CD36: variants seen among roughly 807,000 people sequenced by gnomAD.
CD36 encodes the protein platelet glycoprotein 4.
In CD36, 119 loss-of-function variants were observed where a neutral mutation model predicts 55.2. The observed-to-expected ratio is 2.15, with a 90% CI of 1.86 to 2.51. The LOEUF (loss-of-function observed/expected upper bound fraction) is 2.51. CD36 is among the 30% of genes most tolerant of loss of function. CD36 has a pLI of 0.00. For synonymous variants in CD36, 186 were observed against 193.6 expected (o/e 0.96, Z 0.33); for missense variants, 819 against 555.5 (o/e 1.47, Z -4.77).
At chr7:80,662,874 T>C in intron 5 of CD36, 116 bp from the exon 6 acceptor site, 1 of 833,912 alleles carries the variant, frequency 1.2e-6, no homozygotes, top group Non-Finnish European at 2.0e-6. Flanking sequence ...CTGGCAGTAA[T>C]TTTAAAGATA....
At chr7:80,626,714 A>G (rs1793762436) in intron 1 of CD36, among the ~76,000 whole-genome samples, 1 of 152,110 alleles carries the variant, frequency 6.6e-6, no homozygotes, top group African/African-American at 2.4e-5. Flanking sequence ...AATGTATTAG[A>G]AAACCACTTT....
At chr7:80,620,239 A>G (rs894997003) in intron 1 of CD36, among the ~76,000 whole-genome samples, 3 of 152,082 alleles carry the variant, frequency 2.0e-5, no homozygotes, top group African/African-American at 7.2e-5. Flanking sequence ...TTCCGACACT[A>G]TCTACATGGA....
At position 80,611,897 on chromosome 7, in the gene CD36, C is replaced by T. The variant is rs556137493; in HGVS notation, c.-184+9518C>T. Among the ~76,000 whole-genome samples the T allele has an allele frequency of 3.9e-5, 6 of 152,196 alleles. 1 individual carries two copies. In the South Asian group the frequency reaches 8.3e-4, roughly 21 times the overall value. ...CTGTGGCTTGGACAGTGTTGATAAT[C>T]GTTTTGGGTTCAGACATAAAAGGTC... On this transcript the variant is annotated intron_variant, in intron 1 of 13. Transcript: ENST00000309881.
intron 7 of CD36, among the ~76,000 whole-genome samples, chr7:80,665,535 A>ACTT (rs1472630975): frequency 6.6e-6 from 1 of 152,124 alleles, no homozygotes; most frequent in Non-Finnish European, 1.5e-5. Flanking sequence ...GGAAAAAAAC[A>ACTT]CTTCTAAGTA....
intron 4 of CD36, 66 bp from the exon 5 acceptor site, chr7:80,660,997 G>C (rs1796470272): frequency 8.7e-6 from 10 of 1,145,978 alleles, no homozygotes; most frequent in Non-Finnish European, 1.3e-5. Flanking sequence ...TTGAATGAAT[G>C]ACATTTGAGA....
chr7:80,632,296 A>G (rs768296583), intron 1 of CD36, among the ~76,000 whole-genome samples: 1 of 151,456 alleles, frequency 6.6e-6, no homozygotes, highest in Non-Finnish European at 1.5e-5. Flanking sequence ...ATGGTATCAC[A>G]GATGTATTAT....
chr7:80,651,781 A>G (rs918929214), intron 3 of CD36, among the ~76,000 whole-genome samples: 1 of 152,022 alleles, frequency 6.6e-6, no homozygotes, highest in African/African-American at 2.4e-5. Flanking sequence ...ATGGTTACAC[A>G]TGCCTGTAGT....
Position 80,650,235 on chromosome 7 carries a change from T to C in CD36, c.120+3375T>C, listed in dbSNP as rs565841545. On this transcript the variant is annotated intron_variant, in intron 3 of 14. Transcript: ENST00000447544. ...AAGACTCATCATCAGAATCCTTATA[T>C]TGGTCAAGATGTATGGTACATTTAA... Among the ~76,000 whole-genome samples, 44 of 152,208 alleles carry C rather than the reference T, an allele frequency of 2.9e-4. 1 individual carries two copies. Among genetic ancestry groups the C allele is most frequent in the African/African-American group, 9.9e-4 (41 of 41,570 alleles).
intron 1 of CD36, among the ~76,000 whole-genome samples, chr7:80,641,614 G>T (rs1467802797): frequency 6.6e-6 from 1 of 151,982 alleles, no homozygotes; most frequent in Non-Finnish European, 1.5e-5. Flanking sequence ...TGTCATTTAG[G>T]TCTGGCAAGT....
At position 80,676,819 on chromosome 7, in the gene CD36, T is replaced by C. The variant is rs540545559; in HGVS notation, c.*436T>C. 1 of 152,046 alleles carries C rather than the reference T, an allele frequency of 6.6e-6. No homozygotes were observed. Among genetic ancestry groups the C allele is most frequent in the African/African-American group, 2.4e-5 (1 of 41,416 alleles). 9.4% of individuals were successfully genotyped at this position (152,046 alleles called of 1,614,324 possible). A position where few individuals can be genotyped will look rare whatever the true frequency, so the allele number is the denominator to read the frequency against. The stretch of plus-strand genomic sequence containing the variant: ...TGAGTAAATTTTGCTTTTTTTTTTT[T>C]ACTCAGTTGCAACTTACGCTTGGCA... On this transcript the variant is annotated 3_prime_UTR_variant, in exon 15 of 15. Coordinates refer to ENST00000447544, the MANE Select transcript of CD36 (RefSeq NM_001001548.3).
intron 3 of CD36, among the ~76,000 whole-genome samples, chr7:80,655,727 G>A (rs1478157619): frequency 6.6e-6 from 1 of 152,082 alleles, no homozygotes; most frequent in African/African-American, 2.4e-5. Flanking sequence ...CAGGTCAGGT[G>A]GATTGCTTCA....
At chr7:80,646,207 C>A (rs1795154438) in intron 2 of CD36, 26 bp downstream of exon 2, 1 of 160,026 alleles carries the variant, frequency 6.2e-6, no homozygotes, top group African/African-American at 2.4e-5. Context: ...CATCTGTTAC[C>A]ATACTTGCTT....
At chr7:80,647,136 T>G in intron 3 of CD36, 2 of 367,628 alleles carry the variant, frequency 5.4e-6, no homozygotes, top group Non-Finnish European at 1.0e-5. Flanking sequence ...TAGAAATAAT[T>G]GTTTTAAGTT....
Position 80,675,407 on chromosome 7 carries a change from T to TGTAA in CD36, c.*1-969_*1-966dup, listed in dbSNP as rs150199857. ...AAATGCAGAAGTTATAAACATGTTT[T>TGTAA]GTAAGTAAGTATTCAGAATTAAAAT... On this transcript the variant is annotated intron_variant, in intron 14 of 14. Transcript: ENST00000447544. Among the ~76,000 whole-genome samples the TGTAA allele has an allele frequency of 3.7e-4, 57 of 152,272 alleles. No individual in the cohort carries two copies. The East Asian group carries it at 9.3e-3, about 25-fold the overall frequency.
chr7:80,628,212 A>T (rs1277767628), intron 1 of CD36, among the ~76,000 whole-genome samples: 1 of 145,204 alleles, frequency 6.9e-6, no homozygotes, highest in Non-Finnish European at 1.5e-5. Context: ...AGCATCAAAT[A>T]AAAAAAATTT....
intron 4 of CD36, among the ~76,000 whole-genome samples, chr7:80,659,631 G>A (rs2116630909): frequency 6.6e-6 from 1 of 151,806 alleles, no homozygotes; most frequent in Non-Finnish European, 1.5e-5. Flanking sequence ...AGGCAGGGCT[G>A]TTTTAAGGAT....
chr7:80,613,871 T>C (rs2115807803), intron 1 of CD36, among the ~76,000 whole-genome samples: 1 of 152,288 alleles, frequency 6.6e-6, no homozygotes. Flanking sequence ...GTTAATATAG[T>C]ACTTTTGGAG....
chr7:80,607,897 G>A (rs894796809), intron 1 of CD36, among the ~76,000 whole-genome samples: 17 of 152,078 alleles, frequency 1.1e-4, no homozygotes, highest in African/African-American at 3.6e-4. Context: ...TCATCCTCCC[G>A]AGTGCTGGGA....
At chr7:80,647,727 A>G (rs1795279265) in intron 3 of CD36, among the ~76,000 whole-genome samples, 1 of 152,200 alleles carries the variant, frequency 6.6e-6, no homozygotes. Context: ...TGCCAAGAAC[A>G]AGATAAAATG....
Sources: gnomAD v4.1 joint callset for allele counts (sites outside exome capture counted in the v4.1 genomes callset) on GRCh38, gnomAD v4.1.1 for gene constraint, MANE v1.5 for transcripts, NCBI Gene and HGNC (gene_info 2026-07-23, HGNC 2026-07-21) for gene names.